VEPH1: variants seen among roughly 807,000 people sequenced by gnomAD.
VEPH1 encodes ventricular zone-expressed PH domain-containing protein homolog 1.
In VEPH1, 80 loss-of-function variants were observed where a neutral mutation model predicts 85.2. The observed-to-expected ratio is 0.94, with a 90% CI of 0.78 to 1.13. The LOEUF is 1.13. Among genes scored for constraint, VEPH1 ranks in the 50% most tolerant of loss-of-function variants. The pLI is 0.00. For synonymous variants in VEPH1, 297 were observed against 348.0 expected, an observed-to-expected ratio of 0.85 and a Z score of 1.63; for missense variants, 955 against 980.5, an observed-to-expected ratio of 0.97 and a Z score of 0.35.
chr3:157,390,242 A>G (rs1005964838), intron 6 of VEPH1, among the ~76,000 whole-genome samples: 1 of 152,244 alleles, frequency 6.6e-6, no homozygotes, highest in African/African-American at 2.4e-5. Context: ...ATTTTTAAAA[A>G]GAAAAGATCC....
chr3:157,305,439 T>C (rs937092405), intron 11 of VEPH1, among the ~76,000 whole-genome samples: 3 of 152,242 alleles, frequency 2.0e-5, no homozygotes, highest in Non-Finnish European at 4.4e-5. Context: ...TTCTTTTACC[T>C]GGATTCAGGA....
At chr3:157,403,751 C>T (rs1730940946) in intron 6 of VEPH1, among the ~76,000 whole-genome samples, 1 of 152,054 alleles carries the variant, frequency 6.6e-6, no homozygotes, top group Admixed American at 6.6e-5. Flanking sequence ...TACATAAAAA[C>T]AAGTGGGTCT....
At chr3:157,269,642 G>GTTTTTTTTTTTTTTTTTTTTTGTTTTTT (rs11408861) in intron 12 of VEPH1, among the ~76,000 whole-genome samples, 4 of 115,456 alleles carry the variant, frequency 3.5e-5, no homozygotes, top group Non-Finnish European at 5.2e-5. Context: ...TGTTTTTGTT[G>GTTTTTTTTTTTTTTTTTTTTTGTTTTTT]TTTTTTTTTT....
At chr3:157,304,023 T>TATATATATATATATATATATATATATATA (rs1553761055) in intron 11 of VEPH1, among the ~76,000 whole-genome samples, 6 of 89,106 alleles carry the variant, frequency 6.7e-5, no homozygotes, top group African/African-American at 1.5e-4. Context: ...CTTATATTTT[T>TATATATATATATATATATATATATATATA]TATATATATA....
At chr3:157,340,255 G>C (rs1205176586) in intron 9 of VEPH1, among the ~76,000 whole-genome samples, 3 of 152,226 alleles carry the variant, frequency 2.0e-5, no homozygotes, top group Non-Finnish European at 4.4e-5. Context: ...CAAGGGGTCA[G>C]GGAATTCCCT....
chr3:157,314,223 C>T (rs1019976601), intron 10 of VEPH1, among the ~76,000 whole-genome samples: 9 of 149,544 alleles, frequency 6.0e-5, no homozygotes, highest in Admixed American at 4.7e-4. Flanking sequence ...GTCCCAGCTA[C>T]TCGGGAGGCT....
chr3:157,341,792 A>T (rs965307434), intron 9 of VEPH1, among the ~76,000 whole-genome samples: 8 of 152,072 alleles, frequency 5.3e-5, no homozygotes, highest in African/African-American at 1.2e-4. Context: ...CGGGTTACCC[A>T]CAAAGGGAAG....
chr3:157,299,020 G>A (rs1403108), intron 11 of VEPH1, among the ~76,000 whole-genome samples: 32,796 of 152,088 alleles, frequency 0.22, 4,449 homozygotes, highest in Admixed American at 0.41. Flanking sequence ...TTGAAATAGT[G>A]TTAAGTGTGC....
At chr3:157,333,271 A>G (rs1407369941) in intron 9 of VEPH1, among the ~76,000 whole-genome samples, 1 of 152,198 alleles carries the variant, frequency 6.6e-6, no homozygotes, top group Non-Finnish European at 1.5e-5. Context: ...AGTGTCACTC[A>G]GTTCTGGGAT....
At chr3:157,355,925 G>T (rs1349407150) in intron 9 of VEPH1, among the ~76,000 whole-genome samples, 1 of 148,304 alleles carries the variant, frequency 6.7e-6, no homozygotes, top group Admixed American at 6.7e-5. Flanking sequence ...TTTGAGACTG[G>T]GTCTCTCTTT....
intron 4 of VEPH1, among the ~76,000 whole-genome samples, chr3:157,438,538 G>A (rs55757068): frequency 0.1 from 15,698 of 152,154 alleles, 1,268 homozygotes; most frequent in South Asian, 0.24. Context: ...TGGAATTAGC[G>A]CGACAGGGGA....
chr3:157,441,759 G>A (rs930361610), intron 4 of VEPH1, among the ~76,000 whole-genome samples: 2 of 151,182 alleles, frequency 1.3e-5, no homozygotes, highest in African/African-American at 4.9e-5. Flanking sequence ...GCCGTGAGTC[G>A]AGATCGCACT....
intron 7 of VEPH1, among the ~76,000 whole-genome samples, chr3:157,372,543 C>T (rs1727624729): frequency 6.6e-6 from 1 of 152,204 alleles, no homozygotes; most frequent in Non-Finnish European, 1.5e-5. Flanking sequence ...CATGGCCACA[C>T]TGGTGTGTGT....
At chr3:157,340,049 A>G (rs942769726) in intron 9 of VEPH1, among the ~76,000 whole-genome samples, 1 of 152,220 alleles carries the variant, frequency 6.6e-6, no homozygotes, top group Non-Finnish European at 1.5e-5. Flanking sequence ...AATCATATCC[A>G]AGATGGCCAA....
intron 4 of VEPH1, among the ~76,000 whole-genome samples, chr3:157,458,062 G>T (rs1735527014): frequency 1.3e-5 from 2 of 152,150 alleles, no homozygotes; most frequent in African/African-American, 2.4e-5. Context: ...GGTCTGTTCA[G>T]GGATTCAATT....
chr3:157,311,368 A>C (rs1720090733), intron 11 of VEPH1, among the ~76,000 whole-genome samples: 1 of 152,230 alleles, frequency 6.6e-6, no homozygotes, highest in African/African-American at 2.4e-5. Context: ...CATCTCTTTC[A>C]AATCACTAAT....
chr3:157,473,180 C>G (rs1406789348), intron 2 of VEPH1, among the ~76,000 whole-genome samples: 1 of 144,076 alleles, frequency 6.9e-6, no homozygotes, highest in African/African-American at 2.6e-5. Context: ...TCAAGCAATT[C>G]TCCTGCCTCA....
At chr3:157,358,640 A>G (rs764653778) in intron 9 of VEPH1, among the ~76,000 whole-genome samples, 28 of 152,356 alleles carry the variant, frequency 1.8e-4, no homozygotes, top group Non-Finnish European at 2.8e-4. Flanking sequence ...GGTGGACTTG[A>G]CTACATGCAC....
intron 9 of VEPH1, among the ~76,000 whole-genome samples, chr3:157,338,225 G>A (rs1444874508): frequency 1.3e-5 from 2 of 151,930 alleles, no homozygotes; most frequent in South Asian, 4.1e-4. Context: ...TATTTTTTTG[G>A]ATGCTTCCCT....
Sources: allele counts gnomAD v4.1 joint callset (sites outside exome capture counted in the v4.1 genomes callset), GRCh38; gene constraint gnomAD v4.1.1; transcripts MANE v1.5; gene names NCBI Gene and HGNC (gene_info 2026-07-23, HGNC 2026-07-21).